The following ATG5 variants were observed in gnomAD, a reference collection of about 807,000 sequenced individuals.
The protein encoded by ATG5 is autophagy related 5, also known as autophagy protein 5.
Under a neutral mutation model 36.5 loss-of-function variants are expected in ATG5, and 14 were observed. That is an observed-to-expected ratio of 0.38 (90% CI 0.25 to 0.60). The LOEUF (loss-of-function observed/expected upper bound fraction) is 0.60. Ranked by LOEUF, ATG5 falls within the 20% of genes least tolerant of loss-of-function variation. The probability of loss-of-function intolerance (pLI) is 0.60; values close to 1 mark genes in which losing one functional copy is unlikely to be tolerated. For synonymous variants in ATG5, 95 were observed against 101.5 expected (o/e 0.94, Z 0.38); for missense variants, 195 against 326.7 (o/e 0.60, Z 3.11).
intron 7 of ATG5, 41 bp from the exon 8 acceptor site, chr6:106,186,717 CAGTTGAAG>C (rs779507869): frequency 3.7e-5 from 59 of 1,600,692 alleles, no homozygotes; most frequent in Non-Finnish European, 4.9e-5. Context: ...AAAGTCAAAA[CAGTTGAAG>C]AAAAAATAAT....
At chr6:106,290,197 T>C (rs1346450597) in intron 4 of ATG5, among the ~76,000 whole-genome samples, 2 of 148,728 alleles carry the variant, frequency 1.3e-5, no homozygotes, top group African/African-American at 2.5e-5. Flanking sequence ...TGGCTTATTT[T>C]ATTTTATTTT....
intron 5 of ATG5, among the ~76,000 whole-genome samples, chr6:106,264,187 T>TTGTGC (rs1004153785): frequency 1.3e-5 from 2 of 152,062 alleles, no homozygotes; most frequent in African/African-American, 4.8e-5. Flanking sequence ...CACAAGAACT[T>TTGTGC]TGTGAAGCAT....
intron 4 of ATG5, among the ~76,000 whole-genome samples, chr6:106,281,058 CCT>C (rs1779860396): frequency 6.6e-6 from 1 of 152,062 alleles, no homozygotes; most frequent in South Asian, 2.1e-4. Context: ...TTCAATTAAC[CCT>C]GTCATGGAGC....
At chr6:106,208,740 G>A (rs533530414) in intron 6 of ATG5, among the ~76,000 whole-genome samples, 34 of 152,258 alleles carry the variant, frequency 2.2e-4, no homozygotes, top group African/African-American at 8.2e-4. Flanking sequence ...AACATAAGCC[G>A]CAGGCTGGGA....
chr6:106,312,623 TACACACACACACAC>T (rs144983689), intron 2 of ATG5, among the ~76,000 whole-genome samples: 48 of 144,494 alleles, frequency 3.3e-4, no homozygotes, highest in Admixed American at 1.2e-3. Flanking sequence ...CAAAAAAGAC[TACACACACACACAC>T]ACACACACAC....
chr6:106,200,790 T>C (rs1264852525), intron 7 of ATG5, among the ~76,000 whole-genome samples: 1 of 152,186 alleles, frequency 6.6e-6, no homozygotes, highest in Non-Finnish European at 1.5e-5. Context: ...CTCTATGCAA[T>C]TTTTATGTCA....
chr6:106,230,450 G>T (rs1182072103), intron 6 of ATG5, among the ~76,000 whole-genome samples: 1 of 152,210 alleles, frequency 6.6e-6, no homozygotes, highest in African/African-American at 2.4e-5. Flanking sequence ...GAATCCAGCA[G>T]CCCGGACCCC....
At chr6:106,253,749 A>G (rs1778689679) in intron 5 of ATG5, among the ~76,000 whole-genome samples, 1 of 152,188 alleles carries the variant, frequency 6.6e-6, no homozygotes, top group Admixed American at 6.5e-5. Flanking sequence ...ATATTTTCTA[A>G]TGGGCCATAA....
chr6:106,298,258 G>C (rs909401799), intron 3 of ATG5, among the ~76,000 whole-genome samples: 1 of 151,978 alleles, frequency 6.6e-6, no homozygotes, highest in African/African-American at 2.4e-5. Context: ...TGCACCCAGC[G>C]CTAGCCTGTC....
chr6:106,234,658 A>C (rs1224410398), intron 6 of ATG5, among the ~76,000 whole-genome samples: 1 of 152,152 alleles, frequency 6.6e-6, no homozygotes, highest in African/African-American at 2.4e-5. Context: ...TGCCCCCATG[A>C]CCATTTACAC....
At chr6:106,268,156 G>C (rs1259335240) in intron 5 of ATG5, among the ~76,000 whole-genome samples, 5 of 151,958 alleles carry the variant, frequency 3.3e-5, no homozygotes, top group Non-Finnish European at 7.4e-5. Context: ...CTAATATCTA[G>C]AATCTACAAG....
chr6:106,212,231 A>G (rs780218432), intron 6 of ATG5, among the ~76,000 whole-genome samples: 15 of 152,262 alleles, frequency 9.9e-5, no homozygotes, highest in Admixed American at 2.0e-4. Flanking sequence ...AGTAGCATTA[A>G]TTGAACTGAA....
intron 7 of ATG5, among the ~76,000 whole-genome samples, chr6:106,200,833 T>C (rs546375459): frequency 6.6e-6 from 1 of 152,090 alleles, no homozygotes; most frequent in Non-Finnish European, 1.5e-5. Context: ...ATTTCCCCTA[T>C]AGTTTAGTAA....
rs951836217 is a variant in ATG5 at position 106,246,359 on chromosome 6, C to G, written c.573+1791G>C. Among the ~76,000 whole-genome samples the G allele has an allele frequency of 5.5e-5, 8 of 144,528 alleles. No individual in the cohort carries two copies. The East Asian group carries it at 6.2e-4, about 11-fold the overall frequency. 94.8% of individuals were successfully genotyped at this position (144,528 alleles called of 152,430 possible). ...TATAGCACTTTATAAAAACCATTCTCTCTCTGTCTCTGTCTCTCTCTCTCT... is the reference window on the plus strand; with the variant it reads ...TATAGCACTTTATAAAAACCATTCTGTCTCTGTCTCTGTCTCTCTCTCTCT... On this transcript the variant is annotated intron_variant, in intron 6 of 7. Coordinates refer to ENST00000369076, the MANE Select transcript of ATG5 (RefSeq NM_004849.4).
At chr6:106,261,819 A>C (rs1014291565) in intron 5 of ATG5, among the ~76,000 whole-genome samples, 1 of 152,188 alleles carries the variant, frequency 6.6e-6, no homozygotes, top group Admixed American at 6.5e-5. Flanking sequence ...GAAAAAAATG[A>C]AACAATTATT....
At chr6:106,319,017 G>T (rs1006208449) in intron 1 of ATG5, among the ~76,000 whole-genome samples, 3 of 152,164 alleles carry the variant, frequency 2.0e-5, no homozygotes, top group Non-Finnish European at 2.9e-5. Flanking sequence ...AAAATGTGGA[G>T]CCAGACTGTC....
chr6:106,287,308 T>C (rs1780117507), intron 4 of ATG5, among the ~76,000 whole-genome samples: 1 of 152,196 alleles, frequency 6.6e-6, no homozygotes, highest in Admixed American at 6.5e-5. Context: ...GCTTGCTCAG[T>C]CACACAAAAA....
At chr6:106,202,692 C>T (rs905435133) in intron 6 of ATG5, among the ~76,000 whole-genome samples, 5 of 152,134 alleles carry the variant, frequency 3.3e-5, no homozygotes, top group Non-Finnish European at 7.4e-5. Context: ...GACAGAGTCT[C>T]GCTCTGCCAC....
At chr6:106,302,883 A>G (rs1770276132) in intron 3 of ATG5, among the ~76,000 whole-genome samples, 2 of 152,106 alleles carry the variant, frequency 1.3e-5, no homozygotes, top group African/African-American at 4.8e-5. Flanking sequence ...TATGGTCTAT[A>G]CTAAAGCCTG....
Sources: allele counts gnomAD v4.1 joint callset (sites outside exome capture counted in the v4.1 genomes callset), GRCh38; gene constraint gnomAD v4.1.1; transcripts MANE v1.5; gene names NCBI Gene and HGNC (gene_info 2026-07-23, HGNC 2026-07-21).